The following FAM168B variants were observed in gnomAD, a reference collection of about 807,000 sequenced individuals.
FAM168B encodes myelin-associated neurite-outgrowth inhibitor.
In FAM168B, 19 loss-of-function variants were observed where a neutral mutation model predicts 21.8. The ratio of observed to expected loss-of-function variants is 0.87; its 90% confidence interval spans 0.61 to 1.28. The LOEUF is 1.28. Among genes scored for constraint, FAM168B ranks in the 50% most tolerant of loss-of-function variants. The pLI, the probability that FAM168B is intolerant of heterozygous loss-of-function variation, is 0.00. For missense variants in FAM168B, 233 were observed against 263.1 expected (o/e 0.89, Z 0.79); for synonymous variants, 126 against 104.8 (o/e 1.20, Z -1.24).
In FAM168B at chr2:131,055,180, C is replaced by T; in HGVS notation, c.475+92G>A. On this transcript the variant is annotated intron_variant, in intron 5 of 6. Transcript: ENST00000389915. ...TTCCACACAACTACAGCTATGAAAA[C>T]CTAGAGCCAAGGGTCAGAGGATTCG... is the stretch of plus-strand genomic sequence containing the variant. 8 of 1,258,636 alleles carry T rather than the reference C, an allele frequency of 6.4e-6. No homozygotes were observed. In the South Asian group the frequency reaches 8.1e-5, roughly 13 times the overall value. The allele number at this position is 1,258,636 out of a possible 1,614,324, so 78.0% of individuals were successfully genotyped here. A position where few individuals can be genotyped will look rare whatever the true frequency, so the allele number is the denominator to read the frequency against.
intron 3 of FAM168B, among the ~76,000 whole-genome samples, chr2:131,069,486 T>C (rs1351323243): frequency 6.6e-6 from 1 of 152,090 alleles, no homozygotes; most frequent in Non-Finnish European, 1.5e-5. Context: ...TTACACAGGT[T>C]TCTTTCTCTT....
At chr2:131,071,975 T>A in intron 2 of FAM168B, 37 bp from the exon 3 acceptor site, 4 of 1,575,354 alleles carry the variant, frequency 2.5e-6, no homozygotes, top group Non-Finnish European at 1.7e-6. Context: ...TGTCATCAAC[T>A]GAAGTAGCGA....
chr2:131,065,262 C>G (rs1692496778), intron 3 of FAM168B, among the ~76,000 whole-genome samples: 1 of 152,096 alleles, frequency 6.6e-6, no homozygotes, highest in African/African-American at 2.4e-5. Flanking sequence ...AATGTGGGGG[C>G]TCCCACAAGG....
At position 131,050,724 on chromosome 2, in the gene FAM168B, C is replaced by T. The variant is rs1691613100; in HGVS notation, c.*1741G>A. 1 of 985,328 alleles carries T rather than the reference C, an allele frequency of 1.0e-6. No individual in the cohort carries two copies. Among genetic ancestry groups the T allele is most frequent in the Non-Finnish European group, 1.2e-6 (1 of 829,918 alleles). The allele number at this position is 985,328 out of a possible 1,614,324, so 61.0% of individuals were successfully genotyped here. ...CAAAGGCTCAGTGGTCAGGTGTCCC[C>T]CCACCAACCAACTGGGGCAGAATGC... is the stretch of plus-strand genomic sequence containing the variant. On this transcript the variant is annotated 3_prime_UTR_variant, in exon 7 of 7. Coordinates refer to ENST00000389915, the MANE Select transcript of FAM168B (RefSeq NM_001009993.4).
intron 3 of FAM168B, among the ~76,000 whole-genome samples, chr2:131,058,772 AAAAAAGGAAAGT>A (rs1364362109): frequency 6.6e-6 from 1 of 152,206 alleles, no homozygotes; most frequent in East Asian, 1.9e-4. Context: ...TAAGAAGGCT[AAAAAAGGAAAGT>A]GAAAAGGAAA....
At chr2:131,074,416 T>C (rs1172250299) in intron 2 of FAM168B, among the ~76,000 whole-genome samples, 2 of 152,192 alleles carry the variant, frequency 1.3e-5, no homozygotes, top group African/African-American at 4.8e-5. Flanking sequence ...TGTGAGCCAC[T>C]GCACCTGGCC....
intron 2 of FAM168B, among the ~76,000 whole-genome samples, chr2:131,079,945 C>T (rs1302916642): frequency 6.6e-6 from 1 of 151,928 alleles, no homozygotes; most frequent in African/African-American, 2.4e-5. Flanking sequence ...GGCAAAAACC[C>T]ATCTCTACTA....
intron 5 of FAM168B, among the ~76,000 whole-genome samples, chr2:131,054,639 A>T (rs1235250424): frequency 6.6e-6 from 1 of 152,218 alleles, no homozygotes; most frequent in Non-Finnish European, 1.5e-5. Flanking sequence ...AGAGACCAGG[A>T]GGTGAATCCA....
At chr2:131,064,529 T>TG (rs1692460113) in intron 3 of FAM168B, among the ~76,000 whole-genome samples, 2 of 152,118 alleles carry the variant, frequency 1.3e-5, no homozygotes, top group South Asian at 2.1e-4. Context: ...CCGAATATTC[T>TG]GGGGGGAAAT....
chr2:131,051,436 A>C lies in FAM168B; in HGVS notation c.*1029T>G. 1 of 985,336 alleles carries C rather than the reference A, an allele frequency of 1.0e-6. No homozygotes were observed. The highest frequency in any genetic ancestry group is 1.2e-6 in the Non-Finnish European group (1 of 829,918). The allele number at this position is 985,336 out of a possible 1,614,324, so 61.0% of individuals were successfully genotyped here. ...ACCTTTGCCCTTCTTTGTTGGGGAA[A>C]AACAGCAATGCCTACCTGTTTTCAG... On this transcript the variant is annotated 3_prime_UTR_variant, in exon 7 of 7. Transcript: ENST00000389915.
intron 2 of FAM168B, among the ~76,000 whole-genome samples, chr2:131,081,244 G>A (rs965706813): frequency 1.3e-5 from 2 of 152,108 alleles, no homozygotes; most frequent in African/African-American, 4.8e-5. Context: ...TTGGCTATGT[G>A]ACATAGCATC....
intron 3 of FAM168B, among the ~76,000 whole-genome samples, chr2:131,068,950 A>G (rs1692713776): frequency 6.6e-6 from 1 of 152,294 alleles, no homozygotes; most frequent in East Asian, 1.9e-4. Flanking sequence ...TGAAAAGTCG[A>G]GGCTGCAGTG....
In FAM168B at chr2:131,048,569, A is replaced by C; in HGVS notation, c.*3896T>G. On this transcript the variant is annotated 3_prime_UTR_variant, in exon 7 of 7. Coordinates refer to ENST00000389915, the MANE Select transcript of FAM168B (RefSeq NM_001009993.4). ...AACTTTCTGAAACATGCAGTTTCCG[A>C]CCCAAATAGGCCACATACCCCAACT... is the stretch of plus-strand genomic sequence containing the variant. The C allele has an allele frequency of 9.0e-7, 1 of 1,107,294 alleles. No homozygotes were observed. The highest frequency in any genetic ancestry group is 1.1e-6 in the Non-Finnish European group (1 of 896,454). The allele number at this position is 1,107,294 out of a possible 1,614,324, so 68.6% of individuals were successfully genotyped here. A position where few individuals can be genotyped will look rare whatever the true frequency, so the allele number is the denominator to read the frequency against.
chr2:131,091,233 G>A (rs561511997), intron 1 of FAM168B, among the ~76,000 whole-genome samples: 6 of 152,262 alleles, frequency 3.9e-5, no homozygotes, highest in Non-Finnish European at 7.4e-5. Flanking sequence ...CAGCTACTCC[G>A]GAGGCTGAGG....
rs1691570786 is a variant in FAM168B, at chr2:131,050,171, G to C, written c.*2294C>G. 12 of 985,340 alleles carry C rather than the reference G, an allele frequency of 1.2e-5. No individual in the cohort carries two copies. The highest frequency in any genetic ancestry group is 1.4e-5 in the Non-Finnish European group (12 of 829,950). The allele number at this position is 985,340 out of a possible 1,614,324, so 61.0% of individuals were successfully genotyped here. On this transcript the variant is annotated 3_prime_UTR_variant, in exon 7 of 7. Transcript: ENST00000389915. ...CTCTTTAAAACACCATCCTGTGTGT[G>C]CCAAGTACCAAGCAAGCCTGAAGAG...
chr2:131,069,252 A>C (rs1456898165), intron 3 of FAM168B, among the ~76,000 whole-genome samples: 1 of 152,254 alleles, frequency 6.6e-6, no homozygotes, highest in Non-Finnish European at 1.5e-5. Flanking sequence ...GAAATGAGTA[A>C]AAGTGGGCTA....
chr2:131,059,219 A>G (rs192540612), intron 3 of FAM168B, among the ~76,000 whole-genome samples: 111 of 152,312 alleles, frequency 7.3e-4, no homozygotes, highest in African/African-American at 2.5e-3. Context: ...GGGGGAAAAG[A>G]AATCACAGGA....
In FAM168B at chr2:131,048,867, T is replaced by C. The variant is rs1691464847; in HGVS notation, c.*3598A>G. The C allele has an allele frequency of 5.1e-6, 5 of 986,172 alleles. No homozygotes were observed. Among genetic ancestry groups the C allele is most frequent in the East Asian group, 1.1e-4 (1 of 8,818 alleles). 61.1% of individuals were successfully genotyped at this position (986,172 alleles called of 1,614,324 possible). On this transcript the variant is annotated 3_prime_UTR_variant, in exon 7 of 7. Transcript: ENST00000389915. ...CCCTGCCACCTGCTGCTGCGCCCAATGGAGGTCCTGTCCTGTCCGGGCAAC... is the reference window on the plus strand; with the variant it reads ...CCCTGCCACCTGCTGCTGCGCCCAACGGAGGTCCTGTCCTGTCCGGGCAAC...
At chr2:131,052,841 T>G in intron 6 of FAM168B, 50 bp downstream of exon 6, 4 of 1,540,332 alleles carry the variant, frequency 2.6e-6, no homozygotes, top group Non-Finnish European at 3.5e-6. Flanking sequence ...CACTGTCCCA[T>G]GGAAATGCCC....
Sources: gnomAD v4.1 joint callset for allele counts (sites outside exome capture counted in the v4.1 genomes callset) on GRCh38, gnomAD v4.1.1 for gene constraint, MANE v1.5 for transcripts, NCBI Gene and HGNC (gene_info 2026-07-23, HGNC 2026-07-21) for gene names.